Variants in SHKBP1 observed in about 807,000 individuals in gnomAD.
SHKBP1 encodes the protein SH3KBP1 binding protein 1, also known as SH3KBP1-binding protein 1.
Under a neutral mutation model 83.9 loss-of-function variants are expected in SHKBP1, and 71 were observed. The observed-to-expected ratio is 0.85, with a 90% CI of 0.70 to 1.03. SHKBP1 has a LOEUF of 1.03. Ranked by LOEUF, SHKBP1 falls within the 50% of genes least tolerant of loss-of-function variation. The probability of loss-of-function intolerance (pLI) is 0.00; values close to 1 mark genes in which losing one functional copy is unlikely to be tolerated. For missense variants in SHKBP1, 824 were observed against 982.4 expected (o/e 0.84, Z 2.16); for synonymous variants, 371 against 398.0 (o/e 0.93, Z 0.81).
chr19:40,590,691 C>G lies in SHKBP1; in HGVS notation c.1769-39C>G, dbSNP rs1974593815. 6.5e-7 allele frequency: 1 copy of G among 1,546,554 alleles called. No homozygotes were observed. The highest frequency in any genetic ancestry group is 2.3e-5 in the East Asian group (1 of 43,962). On this transcript the variant is annotated intron_variant, in intron 16 of 17. Coordinates refer to ENST00000291842, the MANE Select transcript of SHKBP1 (RefSeq NM_138392.4). This position sits in a 1 kb window ranked among gnomAD's most constrained non-coding sequence, Gnocchi z 4.6. The stretch of plus-strand genomic sequence containing the variant: ...GCAACCCAGGCCCTTGCCCTATGAC[C>G]CCTGTCTTGCCCCCTGACCCTGCTT...
Position 40,589,180 on chromosome 19 carries a change from T to C in SHKBP1, c.1589+2T>C. On this transcript the variant is annotated splice_donor_variant, in intron 15 of 17. Transcript: ENST00000291842. LOFTEE classifies it high-confidence loss of function. ...GCGTCTCTCATCTACTGGGCAGCGG[T>C]GAGGACAGTCCTGTCCAACAGGGAG... 1.3e-6 allele frequency: 2 copies of C among 1,562,646 alleles called. No homozygotes were observed. The highest frequency in any genetic ancestry group is 1.8e-6 in the Non-Finnish European group (2 of 1,141,524).
At chr19:40,587,088 A>T (rs1330325724) in intron 13 of SHKBP1, 144 bp downstream of exon 13, 5 of 726,656 alleles carry the variant, frequency 6.9e-6, no homozygotes, top group Non-Finnish European at 1.1e-5. Context: ...ATGGGACTGT[A>T]ATTGCAGAAG....
chr19:40,588,547 G>A, intron 13 of SHKBP1, 77 bp from the exon 14 acceptor site: 1 of 1,581,200 alleles, frequency 6.3e-7, no homozygotes, highest in Non-Finnish European at 8.7e-7. Context: ...AAACGGGGCT[G>A]TCCTGAGGCT....
At chr19:40,588,588 C>T in intron 13 of SHKBP1, 36 bp from the exon 14 acceptor site, 3 of 1,612,990 alleles carry the variant, frequency 1.9e-6, no homozygotes, top group Non-Finnish European at 2.5e-6. Context: ...GATGCCTGCA[C>T]CAGGCCTGAC....
chr19:40,582,302 C>T (rs758699070), intron 9 of SHKBP1, 49 bp from the exon 10 acceptor site: 17 of 1,457,824 alleles, frequency 1.2e-5, no homozygotes, highest in Middle Eastern at 1.7e-4. Context: ...TCCCACCTCT[C>T]CTCCTCCATG....
chr19:40,588,489 G>C, intron 13 of SHKBP1, 135 bp from the exon 14 acceptor site: 1 of 1,121,614 alleles, frequency 8.9e-7, no homozygotes, highest in South Asian at 1.4e-5. Context: ...TTCTGGGGAG[G>C]AAAGGATTCT....
intron 12 of SHKBP1, among the ~76,000 whole-genome samples, chr19:40,586,025 C>T (rs1407690088): frequency 6.6e-6 from 1 of 152,104 alleles, no homozygotes; most frequent in African/African-American, 2.4e-5. Context: ...CTACTTCAGC[C>T]TCTTGAGTAG....
rs763342881 is a variant in SHKBP1 at position 40,580,670 on chromosome 19, G to A, written c.653+14G>A. Reference sequence around the variant, plus strand: ...AGTCTGCTACAGGTGCTTGGGGAGGGAGTGGCAGGAGGTCCCAGCCCTGTT... The same window carrying A: ...AGTCTGCTACAGGTGCTTGGGGAGGAAGTGGCAGGAGGTCCCAGCCCTGTT... On this transcript the variant is annotated intron_variant, in intron 8 of 17. Transcript: ENST00000291842. 5.6e-6 allele frequency: 9 copies of A among 1,613,988 alleles called. No homozygotes were observed. Among genetic ancestry groups the A allele is most frequent in the Non-Finnish European group, 7.6e-6 (9 of 1,180,012 alleles).
At chr19:40,588,550 C>G (rs2081329701) in intron 13 of SHKBP1, 74 bp from the exon 14 acceptor site, 7 of 1,588,352 alleles carry the variant, frequency 4.4e-6, no homozygotes, top group Non-Finnish European at 5.2e-6. Flanking sequence ...CGGGGCTGTC[C>G]TGAGGCTCTG....
At position 40,582,379 on chromosome 19, in the gene SHKBP1, G is replaced by A. The variant is rs762016493; in HGVS notation, c.873G>A (p.Glu291=). The A allele has an allele frequency of 5.6e-6, 9 of 1,614,186 alleles. No homozygotes were observed. The highest frequency in any genetic ancestry group is 7.6e-6 in the Non-Finnish European group (9 of 1,180,036). Residue 291 remains glutamate (E), a synonymous_variant, in exon 10 of 18, where the codon GAG becomes GAA. Transcript: ENST00000291842. ...IGVFHLGVPV[E]ALFFVGNQLI... ...TCTTTCATCTGGGGGTGCCTGTGGA[G>A]GCCTTGTTCTTCGTCGGGAACCAGC...
In SHKBP1 at chr19:40,591,093, G is replaced by T. The variant is rs1365121621; in HGVS notation, c.2010G>T (p.Leu670=). The change falls in exon 18 of 18, where the codon CTG becomes CTT. Residue 670 remains leucine, a synonymous_variant. Coordinates refer to ENST00000291842, the MANE Select transcript of SHKBP1 (RefSeq NM_138392.4). ...GGSFVERCQE[L]VRSGPDLRRP... ...GCTTTGTGGAACGCTGCCAGGAACT[G>T]GTGCGGAGTGGGCCAGACCTCCGAC... 1.9e-6 allele frequency: 3 copies of T among 1,612,680 alleles called. No homozygotes were observed. The highest frequency in any genetic ancestry group is 4.5e-5 in the East Asian group (2 of 44,826).
At chr19:40,582,191 G>C (rs1254606536) in intron 9 of SHKBP1, among the ~76,000 whole-genome samples, 160 bp from the exon 10 acceptor site, 1 of 152,052 alleles carries the variant, frequency 6.6e-6, no homozygotes, top group African/African-American at 2.4e-5. Context: ...CAAAGTGTTG[G>C]GATTACAGGT....
Position 40,590,981 on chromosome 19 carries a change from A to T in SHKBP1, c.1898A>T (p.His633Leu), listed in dbSNP as rs749019406. 1.6e-5 allele frequency: 26 copies of T among 1,602,792 alleles called. No homozygotes were observed. In the Admixed American group the frequency reaches 1.8e-4, roughly 11 times the overall value. Residue 633 changes from histidine to leucine, a missense_variant, in exon 18 of 18, where the codon CAC becomes CTC. Transcript: ENST00000291842. This position sits in a 1 kb window ranked among gnomAD's most constrained non-coding sequence, Gnocchi z 4.6. ...PSPRISLTSL[H>L]SASSNTSLSG... ...TACTGTCCTTACTTCCTCAGCCTCCACTCAGCCTCCAGCAACACCTCCTTG... is the reference window on the plus strand; with the variant it reads ...TACTGTCCTTACTTCCTCAGCCTCCTCTCAGCCTCCAGCAACACCTCCTTG...
At position 40,577,246 on chromosome 19, in the gene SHKBP1, C is replaced by G; in HGVS notation, c.102C>G (p.Arg34=). 1 of 1,613,882 alleles carries G rather than the reference C, an allele frequency of 6.2e-7. No homozygotes were observed. The change falls in exon 2 of 18, where the codon CGC becomes CGG. Residue 34 remains arginine (R), a synonymous_variant. Transcript: ENST00000291842. Reference sequence around the variant, plus strand: ...CCCCGCCCAGATTCAGTACCTCTCGCCAGACTCTCACCTGGATCCCAGACT... The same window carrying G: ...CCCCGCCCAGATTCAGTACCTCTCGGCAGACTCTCACCTGGATCCCAGACT... The part of the protein sequence containing the change: ...NVGGKRFSTS[R]QTLTWIPDSF...
In SHKBP1 at chr19:40,583,737, C is replaced by T. The variant is rs1247454744; in HGVS notation, c.1165+20C>T. 1 of 1,592,616 alleles carries T rather than the reference C, an allele frequency of 6.3e-7. No homozygotes were observed. Among genetic ancestry groups the T allele is most frequent in the Admixed American group, 1.7e-5 (1 of 59,894 alleles). On this transcript the variant is annotated intron_variant, in intron 12 of 17. Transcript: ENST00000291842. Reference sequence around the variant, plus strand: ...AGACCAGTAAGCTATGACCCGGCTTCCCCTGCTGCTGTCACCTGCCAGCCC... The same window carrying T: ...AGACCAGTAAGCTATGACCCGGCTTTCCCTGCTGCTGTCACCTGCCAGCCC...
chr19:40,590,448 G>A lies in SHKBP1; in HGVS notation c.1768+26G>A, dbSNP rs774049460. 45 of 1,577,770 alleles carry A rather than the reference G, an allele frequency of 2.9e-5. 1 individual carries two copies. The highest frequency in any genetic ancestry group is 2.1e-4 in the Middle Eastern group (1 of 4,842). The stretch of plus-strand genomic sequence containing the variant: ...GTACTCCCTGCCCCACCCCAATCCC[G>A]TCCCAAGCCCCACAGCCTCACCCAG... On this transcript the variant is annotated intron_variant, in intron 16 of 17. Transcript: ENST00000291842. The surrounding 1 kb of genome is among the most constrained non-coding windows in gnomAD (Gnocchi z 4.6).
Position 40,586,793 on chromosome 19 carries a change from C to G in SHKBP1, c.1185C>G (p.Ile395Met). 1 of 1,593,908 alleles carries G rather than the reference C, an allele frequency of 6.3e-7. No homozygotes were observed. Among genetic ancestry groups the G allele is most frequent in the African/African-American group, 1.3e-5 (1 of 74,328 alleles). ...TPKTSDSGNW[I>M]EIAYGTSSGG... ...CACCAGGTGACAGTGGGAACTGGAT[C>G]GAGATCGCCTATGGCACCAGCTCAG... Residue 395 changes from isoleucine to methionine, a missense_variant, in exon 13 of 18, where the codon ATC (isoleucine) becomes ATG (methionine). Ile to Met is a conservative substitution (Grantham distance 10). Transcript: ENST00000291842.
intron 12 of SHKBP1, among the ~76,000 whole-genome samples, chr19:40,585,332 C>T (rs558527044): frequency 4.6e-5 from 7 of 152,018 alleles, no homozygotes; most frequent in Non-Finnish European, 8.8e-5. Context: ...CTCTTGAACT[C>T]CTGGGCTCAA....
chr19:40,590,792 G>C lies in SHKBP1; in HGVS notation c.1831G>C (p.Ala611Pro). 6.2e-7 allele frequency: 1 copy of C among 1,601,736 alleles called. No homozygotes were observed. The highest frequency in any genetic ancestry group is 1.3e-5 in the African/African-American group (1 of 74,790). ...GGAACACTGTGAGCTGGCCCCGCCG[G>C]CTCCTTCAGCTCCCTCATGGGGCTG... Reference protein sequence around the residue: ...QLEHCELAPPAPSAPSWGCLP... With the variant: ...QLEHCELAPPPPSAPSWGCLP... The change falls in exon 17 of 18, where the codon GCT becomes CCT. Residue 611 changes from alanine to proline, a missense_variant. Transcript: ENST00000291842. This position sits in a 1 kb window ranked among gnomAD's most constrained non-coding sequence, Gnocchi z 4.6.
Sources: gnomAD v4.1 joint callset for allele counts (sites outside exome capture counted in the v4.1 genomes callset) on GRCh38, gnomAD v4.1.1 for gene constraint, Gnocchi (gnomAD v3.1) non-coding constraint, MANE v1.5 for transcripts, NCBI Gene and HGNC (gene_info 2026-07-23, HGNC 2026-07-21) for gene names.